KCTD8: variants seen among roughly 807,000 people sequenced by gnomAD.
The protein encoded by KCTD8 is potassium channel tetramerization domain containing 8.
Under a neutral mutation model 31.5 loss-of-function variants are expected in KCTD8, and 27 were observed. The observed-to-expected ratio is 0.86, with a 90% CI of 0.63 to 1.18. The LOEUF is 1.18. Among genes scored for constraint, KCTD8 ranks in the 50% most tolerant of loss-of-function variants. KCTD8 has a pLI of 0.00. For synonymous variants in KCTD8, 290 were observed against 280.0 expected, an observed-to-expected ratio of 1.04 and a Z score of -0.36; for missense variants, 658 against 647.7, an observed-to-expected ratio of 1.02 and a Z score of -0.17.
intron 1 of KCTD8, among the ~76,000 whole-genome samples, chr4:44,289,083 A>G (rs941226573): frequency 1.3e-5 from 2 of 151,608 alleles, no homozygotes; most frequent in Non-Finnish European, 2.9e-5. Flanking sequence ...TAAAATAGAG[A>G]TACTATCTAC....
intron 1 of KCTD8, among the ~76,000 whole-genome samples, chr4:44,334,488 G>A (rs1277384035): frequency 6.6e-6 from 1 of 151,908 alleles, no homozygotes; most frequent in Admixed American, 6.6e-5. Context: ...AATAACTGAA[G>A]GTGGGCATAA....
chr4:44,192,480 A>G (rs1359447942), intron 1 of KCTD8, among the ~76,000 whole-genome samples: 1 of 96,858 alleles, frequency 1.0e-5, no homozygotes, highest in African/African-American at 4.0e-5. Context: ...AAAGATACAC[A>G]CACACACACA....
chr4:44,426,428 A>G (rs967387199), intron 1 of KCTD8, among the ~76,000 whole-genome samples: 1 of 151,812 alleles, frequency 6.6e-6, no homozygotes, highest in African/African-American at 2.4e-5. Flanking sequence ...GAATGACATT[A>G]TAAGAACAAG....
intron 1 of KCTD8, among the ~76,000 whole-genome samples, chr4:44,356,563 T>A (rs1719348372): frequency 6.6e-6 from 1 of 152,108 alleles, no homozygotes; most frequent in Non-Finnish European, 1.5e-5. Flanking sequence ...AACTTCCGCC[T>A]CCCGGGTTCA....
At chr4:44,354,811 C>T (rs1719300875) in intron 1 of KCTD8, among the ~76,000 whole-genome samples, 1 of 152,034 alleles carries the variant, frequency 6.6e-6, no homozygotes, top group Admixed American at 6.6e-5. Flanking sequence ...AGTATAAATT[C>T]CCCAAGGAAG....
chr4:44,445,558 T>G (rs187730104), intron 1 of KCTD8, among the ~76,000 whole-genome samples: 1 of 152,160 alleles, frequency 6.6e-6, no homozygotes, highest in African/African-American at 2.4e-5. Flanking sequence ...AGTTTCCAGT[T>G]TCAATATACT....
intron 1 of KCTD8, among the ~76,000 whole-genome samples, chr4:44,430,467 G>A (rs1264710253): frequency 6.6e-6 from 1 of 151,668 alleles, no homozygotes; most frequent in Non-Finnish European, 1.5e-5. Context: ...GTATGTTATG[G>A]CCCATGAAAT....
At chr4:44,212,444 T>C (rs1341009210) in intron 1 of KCTD8, among the ~76,000 whole-genome samples, 2 of 152,138 alleles carry the variant, frequency 1.3e-5, no homozygotes, top group Non-Finnish European at 2.9e-5. Context: ...CTATACATAT[T>C]TGAGTTCCAT....
At chr4:44,421,659 T>C (rs966911509) in intron 1 of KCTD8, among the ~76,000 whole-genome samples, 1 of 152,158 alleles carries the variant, frequency 6.6e-6, no homozygotes, top group Non-Finnish European at 1.5e-5. Context: ...CCCTTATTCA[T>C]ACAGATTCTC....
intron 1 of KCTD8, among the ~76,000 whole-genome samples, chr4:44,209,502 A>G (rs1302679627): frequency 6.6e-6 from 1 of 151,566 alleles, no homozygotes; most frequent in African/African-American, 2.4e-5. Context: ...ACACATACAC[A>G]CACACACACA....
At chr4:44,430,543 C>T (rs1721479076) in intron 1 of KCTD8, among the ~76,000 whole-genome samples, 1 of 151,454 alleles carries the variant, frequency 6.6e-6, no homozygotes, top group Non-Finnish European at 1.5e-5. Flanking sequence ...TCTTTGTTGT[C>T]CTGAATTAGT....
At chr4:44,311,193 C>T (rs1201797386) in intron 1 of KCTD8, among the ~76,000 whole-genome samples, 1 of 152,014 alleles carries the variant, frequency 6.6e-6, no homozygotes, top group Non-Finnish European at 1.5e-5. Flanking sequence ...TTCTTCTCTT[C>T]CAAAATTTTC....
chr4:44,283,664 C>T (rs1716967374), intron 1 of KCTD8, among the ~76,000 whole-genome samples: 2 of 151,994 alleles, frequency 1.3e-5, no homozygotes, highest in Admixed American at 1.3e-4. Flanking sequence ...AGACCTACTA[C>T]ATAGAAAAAA....
intron 1 of KCTD8, among the ~76,000 whole-genome samples, chr4:44,209,503 C>G (rs947212682): frequency 6.6e-6 from 1 of 151,592 alleles, no homozygotes; most frequent in Non-Finnish European, 1.5e-5. Flanking sequence ...CACATACACA[C>G]ACACACACAC....
At chr4:44,190,407 T>C (rs369575519) in intron 1 of KCTD8, among the ~76,000 whole-genome samples, 3 of 152,366 alleles carry the variant, frequency 2.0e-5, no homozygotes, top group Middle Eastern at 3.4e-3. Context: ...TTTATAATGA[T>C]ACTTGTTTAG....
intron 1 of KCTD8, among the ~76,000 whole-genome samples, chr4:44,346,180 G>A (rs1719032297): frequency 6.6e-6 from 1 of 152,070 alleles, no homozygotes; most frequent in South Asian, 2.1e-4. Context: ...TTATTCAAAT[G>A]ATCACATGTA....
intron 1 of KCTD8, among the ~76,000 whole-genome samples, chr4:44,337,630 C>T (rs1011995106): frequency 1.3e-5 from 2 of 149,896 alleles, no homozygotes. Context: ...GCCGAGATTG[C>T]ACCACTGCAC....
At chr4:44,259,641 C>G (rs1208127435) in intron 1 of KCTD8, among the ~76,000 whole-genome samples, 1 of 151,890 alleles carries the variant, frequency 6.6e-6, no homozygotes, top group Non-Finnish European at 1.5e-5. Context: ...TTTGCTAACG[C>G]AAGTACAGGA....
chr4:44,267,428 C>T (rs1225723911), intron 1 of KCTD8, among the ~76,000 whole-genome samples: 1 of 152,064 alleles, frequency 6.6e-6, no homozygotes, highest in Non-Finnish European at 1.5e-5. Context: ...ACTAAATGCC[C>T]ACAAGAGAAA....
Sources: allele counts gnomAD v4.1 joint callset (sites outside exome capture counted in the v4.1 genomes callset), GRCh38; gene constraint gnomAD v4.1.1; transcripts MANE v1.5; gene names NCBI Gene and HGNC (gene_info 2026-07-23, HGNC 2026-07-21).